The following ARHGAP20 variants were observed in gnomAD, a reference collection of about 807,000 sequenced individuals.
ARHGAP20 encodes rho GTPase-activating protein 20.
In ARHGAP20, 34 loss-of-function variants were observed where a neutral mutation model predicts 73.7. The observed-to-expected ratio is 0.46, with a 90% confidence interval of 0.35 to 0.61. The LOEUF (loss-of-function observed/expected upper bound fraction) is 0.61. ARHGAP20 is among the 20% of genes least tolerant of loss of function. The probability of loss-of-function intolerance (pLI) is 0.00; values close to 1 mark genes in which losing one functional copy is unlikely to be tolerated. For synonymous variants in ARHGAP20, 523 were observed against 518.2 expected (o/e 1.01, Z -0.13); for missense variants, 1,314 against 1,420.9 (o/e 0.92, Z 1.21).
Position 110,579,612 on chromosome 11 carries a change from AACT to A in ARHGAP20, c.3331_3333del (p.Ser1113del). 6.2e-7 allele frequency: 1 copy of A among 1,614,168 alleles called. No individual in the cohort carries two copies. The highest frequency in any genetic ancestry group is 1.1e-5 in the South Asian group (1 of 91,070). The stretch of plus-strand genomic sequence containing the variant: ...CTCTCTGAGTCCTGGAAGGGAGAAG[AACT>A]ACACCTTTGGGCTGACTGCACAGGG... On this transcript the variant is annotated inframe_deletion, in exon 15 of 15. Coordinates refer to ENST00000683387, the MANE Select transcript of ARHGAP20 (RefSeq NM_001384657.1).
chr11:110,602,363 G>GT (rs1218063197), intron 9 of ARHGAP20, among the ~76,000 whole-genome samples: 9 of 152,166 alleles, frequency 5.9e-5, no homozygotes, highest in Non-Finnish European at 1.3e-4. Flanking sequence ...GTGCAATGAA[G>GT]TAACAGCTGT....
chr11:110,579,189 TTAGCA>T lies in ARHGAP20; in HGVS notation c.*176_*180del, dbSNP rs2134768663. 7.7e-7 allele frequency: 1 copy of T among 1,291,052 alleles called. No homozygotes were observed. The highest frequency in any genetic ancestry group is 2.7e-5 in the South Asian group (1 of 36,724). The allele number at this position is 1,291,052 out of a possible 1,614,324, so 80.0% of individuals were successfully genotyped here. A position where few individuals can be genotyped will look rare whatever the true frequency, so the allele number is the denominator to read the frequency against. ...CCCAAACACTTAGGTGACAAAATTT[TTAGCA>T]TAAAGTATTTGTCAAGTAGTCTCAA... is the stretch of plus-strand genomic sequence containing the variant. On this transcript the variant is annotated 3_prime_UTR_variant, in exon 15 of 15. Transcript: ENST00000683387.
intron 2 of ARHGAP20, among the ~76,000 whole-genome samples, chr11:110,664,533 C>G (rs1317952975): frequency 6.6e-6 from 1 of 152,044 alleles, no homozygotes; most frequent in Non-Finnish European, 1.5e-5. Context: ...TGGAGACCAT[C>G]CTGGCTAACA....
intron 2 of ARHGAP20, among the ~76,000 whole-genome samples, chr11:110,685,521 G>T (rs991296422): frequency 6.6e-6 from 1 of 151,944 alleles, no homozygotes; most frequent in South Asian, 2.1e-4. Context: ...TCTATGAACT[G>T]CCTCTCCTTA....
intron 2 of ARHGAP20, 89 bp downstream of exon 2, chr11:110,690,458 C>T (rs758947655): frequency 9.3e-5 from 118 of 1,274,264 alleles, no homozygotes; most frequent in Non-Finnish European, 1.2e-4. Context: ...AACCTCTACA[C>T]ATTAAAGAAT....
chr11:110,695,921 G>A (rs1950326562), intron 1 of ARHGAP20, among the ~76,000 whole-genome samples: 1 of 151,534 alleles, frequency 6.6e-6, no homozygotes, highest in Non-Finnish European at 1.5e-5. Context: ...CATCACCAAT[G>A]CCAATCAACT....
intron 1 of ARHGAP20, among the ~76,000 whole-genome samples, chr11:110,705,594 A>C (rs927172488): frequency 5.9e-5 from 9 of 152,172 alleles, no homozygotes; most frequent in Non-Finnish European, 1.3e-4. Flanking sequence ...TAGTCTATGA[A>C]CTTTAGAGTC....
intron 2 of ARHGAP20, among the ~76,000 whole-genome samples, chr11:110,662,786 T>C (rs566401819): frequency 5.3e-5 from 8 of 151,938 alleles, no homozygotes; most frequent in Non-Finnish European, 8.8e-5. Flanking sequence ...TGCCTTATGA[T>C]GTGCACTGAA....
At chr11:110,671,015 T>G (rs1020055465) in intron 2 of ARHGAP20, among the ~76,000 whole-genome samples, 4 of 152,056 alleles carry the variant, frequency 2.6e-5, no homozygotes, top group African/African-American at 4.8e-5. Flanking sequence ...AATCTGAATA[T>G]AGTATGACCT....
At chr11:110,634,657 T>C (rs1476467498) in intron 2 of ARHGAP20, among the ~76,000 whole-genome samples, 1 of 152,130 alleles carries the variant, frequency 6.6e-6, no homozygotes, top group Non-Finnish European at 1.5e-5. Flanking sequence ...TAGTTTCCTA[T>C]ATGTAAAGTA....
chr11:110,621,936 T>C (rs909337937), intron 4 of ARHGAP20, among the ~76,000 whole-genome samples: 1 of 152,248 alleles, frequency 6.6e-6, no homozygotes, highest in African/African-American at 2.4e-5. Flanking sequence ...ATTTCATCTG[T>C]GATGAGTTGC....
At chr11:110,711,983 G>A in intron 1 of ARHGAP20, 144 bp downstream of exon 1, 1 of 1,246,958 alleles carries the variant, frequency 8.0e-7, no homozygotes, top group Non-Finnish European at 1.0e-6. Context: ...AAGTGTTCTG[G>A]GACTCTCATT....
chr11:110,620,213 T>A (rs968742416), intron 4 of ARHGAP20, among the ~76,000 whole-genome samples: 2 of 145,918 alleles, frequency 1.4e-5, no homozygotes, highest in African/African-American at 4.9e-5. Flanking sequence ...AACATTTTTT[T>A]AGAGATGGGG....
chr11:110,652,047 T>C (rs1436462380), intron 2 of ARHGAP20, among the ~76,000 whole-genome samples: 1 of 152,088 alleles, frequency 6.6e-6, no homozygotes, highest in Non-Finnish European at 1.5e-5. Context: ...ACCACAATCA[T>C]GTTGGCTTCA....
intron 4 of ARHGAP20, among the ~76,000 whole-genome samples, chr11:110,620,810 G>A (rs539996539): frequency 1.3e-5 from 2 of 151,546 alleles, no homozygotes; most frequent in Admixed American, 1.3e-4. Context: ...GGTGGCTCAT[G>A]TCCGTAATCC....
At chr11:110,648,221 GTA>G (rs749024190) in intron 2 of ARHGAP20, among the ~76,000 whole-genome samples, 28,422 of 75,964 alleles carry the variant, frequency 0.37, 3,532 homozygotes, top group African/African-American at 0.5. Flanking sequence ...ATATATATAT[GTA>G]TATATATATA....
chr11:110,704,487 G>C (rs890078704), intron 1 of ARHGAP20, among the ~76,000 whole-genome samples: 1 of 152,102 alleles, frequency 6.6e-6, no homozygotes, highest in Non-Finnish European at 1.5e-5. Context: ...GTGCTGATGA[G>C]GTTATTTCTG....
At chr11:110,592,466 A>G (rs554398851) in intron 9 of ARHGAP20, among the ~76,000 whole-genome samples, 1 of 152,324 alleles carries the variant, frequency 6.6e-6, no homozygotes, top group East Asian at 1.9e-4. Flanking sequence ...ATTGAACTGT[A>G]ACACCTAAAA....
intron 2 of ARHGAP20, among the ~76,000 whole-genome samples, chr11:110,668,662 A>G (rs951969127): frequency 9.9e-5 from 15 of 151,602 alleles, no homozygotes; most frequent in African/African-American, 3.4e-4. Flanking sequence ...AAAAATAAAA[A>G]GAAAAAAGAA....
Sources: gnomAD v4.1 joint callset for allele counts (sites outside exome capture counted in the v4.1 genomes callset) on GRCh38, gnomAD v4.1.1 for gene constraint, MANE v1.5 for transcripts, NCBI Gene and HGNC (gene_info 2026-07-23, HGNC 2026-07-21) for gene names.